Variants in CAV1 observed in about 807,000 individuals in gnomAD.
The protein encoded by CAV1 is caveolin 1, also known as caveolin-1.
A neutral mutation model predicts 16.5 loss-of-function variants in CAV1; 10 were observed. The ratio of observed to expected loss-of-function variants is 0.61; its 90% confidence interval spans 0.37 to 1.03. The LOEUF is 1.03. Ranked by LOEUF, CAV1 falls within the 50% of genes least tolerant of loss-of-function variation. The probability of loss-of-function intolerance (pLI) is 0.01; values close to 1 mark genes in which losing one functional copy is unlikely to be tolerated. For missense variants in CAV1, 212 were observed against 232.8 expected (o/e 0.91, Z 0.58); for synonymous variants, 76 against 85.1 (o/e 0.89, Z 0.59).
intron 2 of CAV1, among the ~76,000 whole-genome samples, chr7:116,530,195 T>C (rs1383142971): frequency 7.9e-6 from 1 of 126,358 alleles, no homozygotes; most frequent in African/African-American, 2.9e-5. Flanking sequence ...TGGAAACTGA[T>C]TGGTCCTTTT....
At chr7:116,554,151 A>G (rs1271337103) in intron 2 of CAV1, among the ~76,000 whole-genome samples, 1 of 152,228 alleles carries the variant, frequency 6.6e-6, no homozygotes, top group Non-Finnish European at 1.5e-5. Context: ...CTGCTGAAGC[A>G]GCTGTGCTTT....
chr7:116,546,376 C>A (rs537494686), intron 2 of CAV1, among the ~76,000 whole-genome samples: 1 of 151,968 alleles, frequency 6.6e-6, no homozygotes, highest in Admixed American at 6.6e-5. Context: ...TTTTAGATTC[C>A]GATGTGGGAA....
chr7:116,534,393 A>ATTTTTTTT (rs1451265934), intron 2 of CAV1, among the ~76,000 whole-genome samples: 4 of 6,884 alleles, frequency 5.8e-4, no homozygotes, highest in Admixed American at 2.3e-3. Context: ...ATATATATAT[A>ATTTTTTTT]TATTTTTTTT....
At chr7:116,528,544 G>T (rs758790173) in intron 2 of CAV1, among the ~76,000 whole-genome samples, 11 of 152,182 alleles carry the variant, frequency 7.2e-5, no homozygotes, top group Admixed American at 2.0e-4. Flanking sequence ...GAATTTGGCA[G>T]TCTCACTCAG....
At chr7:116,552,649 C>T (rs1009086475) in intron 2 of CAV1, among the ~76,000 whole-genome samples, 22 of 152,190 alleles carry the variant, frequency 1.4e-4, no homozygotes, top group African/African-American at 4.8e-5. Flanking sequence ...ACAATCACAA[C>T]ATAGGCAACA....
In CAV1 at chr7:116,534,392, TA is replaced by T. The variant is rs1234666749; in HGVS notation, c.195+7704del. ...ATATATATATATATATATATATATA[TA>T]TATTTTTTTTTTTTTTTTTTTTTTG... is the stretch of plus-strand genomic sequence containing the variant. On this transcript the variant is annotated intron_variant, in intron 2 of 2. Coordinates refer to ENST00000341049, the MANE Select transcript of CAV1 (RefSeq NM_001753.5). 4.7e-3 allele frequency among the ~76,000 whole-genome samples: 65 copies of T among 13,802 alleles called. 1 individual carries two copies. The highest frequency in any genetic ancestry group is 0.015 in the South Asian group (5 of 328). The allele number at this position is 13,802 out of a possible 152,430, so 9.1% of individuals were successfully genotyped here. A position where few individuals can be genotyped will look rare whatever the true frequency, so the allele number is the denominator to read the frequency against.
chr7:116,533,902 T>G (rs1793737676), intron 2 of CAV1, among the ~76,000 whole-genome samples: 1 of 152,198 alleles, frequency 6.6e-6, no homozygotes, highest in South Asian at 2.1e-4. Flanking sequence ...TAGAAAATAT[T>G]TCAATTCCTC....
At chr7:116,558,274 C>A (rs1374638916) in intron 2 of CAV1, among the ~76,000 whole-genome samples, 1 of 152,154 alleles carries the variant, frequency 6.6e-6, no homozygotes, top group Non-Finnish European at 1.5e-5. Context: ...CTGAGTGCCT[C>A]GTATCCTTAT....
intron 2 of CAV1, among the ~76,000 whole-genome samples, chr7:116,555,608 A>AAG (rs1794277792): frequency 7.6e-6 from 1 of 131,716 alleles, no homozygotes; most frequent in African/African-American, 2.8e-5. Flanking sequence ...AAGAAAGAGA[A>AAG]AGAAAGAAAG....
intron 2 of CAV1, among the ~76,000 whole-genome samples, chr7:116,544,964 C>T (rs928382946): frequency 5.3e-5 from 8 of 152,158 alleles, no homozygotes; most frequent in Admixed American, 3.9e-4. Flanking sequence ...ACTCCATCCT[C>T]AAAACGTAGA....
At chr7:116,555,485 A>AGGAAGG (rs1438424267) in intron 2 of CAV1, among the ~76,000 whole-genome samples, 1 of 7,882 alleles carries the variant, frequency 1.3e-4, no homozygotes, top group Non-Finnish European at 2.3e-4. Context: ...GGAGGAAAGA[A>AGGAAGG]AAGAAAGAAA....
chr7:116,555,522 G>A (rs6961876), intron 2 of CAV1, among the ~76,000 whole-genome samples: 715 of 5,224 alleles, frequency 0.14, 113 homozygotes, highest in Non-Finnish European at 0.17. Flanking sequence ...GAAAGAAAGA[G>A]AGAGAGAGAG....
rs547389360 is a variant in CAV1, at chr7:116,556,189, T to C, written c.196-2757T>C. ...AATCTCCTATGTATTCATTGAAAAA[T>C]AATTTGAATTTATGCTTAGAAAAAT... On this transcript the variant is annotated intron_variant, in intron 2 of 2. Coordinates refer to ENST00000341049, the MANE Select transcript of CAV1 (RefSeq NM_001753.5). 2.0e-5 allele frequency among the ~76,000 whole-genome samples: 3 copies of C among 152,276 alleles called. No individual in the cohort carries two copies. In the South Asian group the frequency reaches 6.2e-4, roughly 32 times the overall value.
chr7:116,538,570 A>G (rs1296037052), intron 2 of CAV1, among the ~76,000 whole-genome samples: 1 of 152,196 alleles, frequency 6.6e-6, no homozygotes, highest in African/African-American at 2.4e-5. Context: ...TAGGAAGAGA[A>G]ATTGTCTAAA....
At chr7:116,547,055 T>C (rs1045065737) in intron 2 of CAV1, among the ~76,000 whole-genome samples, 12 of 152,206 alleles carry the variant, frequency 7.9e-5, no homozygotes, top group Non-Finnish European at 1.3e-4. Flanking sequence ...ATTAATGGCC[T>C]TCTGCCTGAG....
intron 2 of CAV1, among the ~76,000 whole-genome samples, chr7:116,557,658 C>G (rs1038251592): frequency 6.6e-6 from 1 of 152,144 alleles, no homozygotes; most frequent in Non-Finnish European, 1.5e-5. Flanking sequence ...TTCATCCCCA[C>G]CCTTGAGCTA....
intron 2 of CAV1, among the ~76,000 whole-genome samples, chr7:116,536,509 A>T (rs1354316423): frequency 6.6e-6 from 1 of 152,178 alleles, no homozygotes; most frequent in African/African-American, 2.4e-5. Context: ...GTTTACCAGG[A>T]ACAGGGTCCC....
At chr7:116,545,680 G>A (rs1306107331) in intron 2 of CAV1, among the ~76,000 whole-genome samples, 1 of 152,192 alleles carries the variant, frequency 6.6e-6, no homozygotes, top group Non-Finnish European at 1.5e-5. Flanking sequence ...CTGAAAAGAC[G>A]CTAATGATGT....
rs570430916 is a variant in CAV1, at chr7:116,538,146, G to C, written c.195+11457G>C. On this transcript the variant is annotated intron_variant, in intron 2 of 2. Coordinates refer to ENST00000341049, the MANE Select transcript of CAV1 (RefSeq NM_001753.5). Reference sequence around the variant, plus strand: ...TCAATTTGCCTGCTCAATTTCTACAGACATTTGTGGGACCACACCAGTACA... The same window carrying C: ...TCAATTTGCCTGCTCAATTTCTACACACATTTGTGGGACCACACCAGTACA... Among the ~76,000 whole-genome samples, 3 of 152,298 alleles carry C rather than the reference G, an allele frequency of 2.0e-5. No individual in the cohort carries two copies. The East Asian group carries it at 5.8e-4, about 29-fold the overall frequency.
Sources: allele counts gnomAD v4.1 joint callset (sites outside exome capture counted in the v4.1 genomes callset), GRCh38; gene constraint gnomAD v4.1.1; transcripts MANE v1.5; gene names NCBI Gene and HGNC (gene_info 2026-07-23, HGNC 2026-07-21).